TRMT11: variants seen among roughly 807,000 people sequenced by gnomAD.
The protein encoded by TRMT11 is tRNA (guanine(10)-N(2))-methyltransferase TRMT11.
Under a neutral mutation model 62.8 loss-of-function variants are expected in TRMT11, and 53 were observed. The ratio of observed to expected loss-of-function variants is 0.84; its 90% CI spans 0.68 to 1.06. The LOEUF is 1.06. TRMT11 is among the 50% of genes least tolerant of loss of function. The probability of loss-of-function intolerance (pLI) is 0.00; values close to 1 mark genes in which losing one functional copy is unlikely to be tolerated. For synonymous variants in TRMT11, 188 were observed against 190.3 expected, an observed-to-expected ratio of 0.99 and a Z score of 0.10; for missense variants, 556 against 553.4, an observed-to-expected ratio of 1.00 and a Z score of -0.05.
At chr6:126,183,047 C>A (rs1228868580) in intron 1 of TRMT11, among the ~76,000 whole-genome samples, 1 of 152,074 alleles carries the variant, frequency 6.6e-6, no homozygotes, top group Non-Finnish European at 1.5e-5. Flanking sequence ...CACACCCATC[C>A]CTCCAACACC....
intron 11 of TRMT11, among the ~76,000 whole-genome samples, chr6:126,019,355 C>T (rs1242228962): frequency 6.6e-6 from 1 of 152,108 alleles, no homozygotes. Context: ...AAACCAAATG[C>T]AGCAACTTAG....
intron 21 of TRMT11, among the ~76,000 whole-genome samples, chr6:126,121,587 C>G (rs921064618): frequency 2.0e-5 from 3 of 152,008 alleles, no homozygotes; most frequent in African/African-American, 4.8e-5. Context: ...GTTTAGTTTC[C>G]TTACTTTCAA....
intron 12 of TRMT11, among the ~76,000 whole-genome samples, chr6:126,025,780 CTT>C (rs1201889087): frequency 2.6e-5 from 4 of 152,132 alleles, no homozygotes; most frequent in Non-Finnish European, 5.9e-5. Context: ...GATTTTTACA[CTT>C]TTGTATACTG....
At chr6:126,130,966 C>G (rs566802769) in intron 21 of TRMT11, among the ~76,000 whole-genome samples, 2 of 152,184 alleles carry the variant, frequency 1.3e-5, no homozygotes, top group African/African-American at 2.4e-5. Flanking sequence ...TATCTATTAG[C>G]CTTCAGGAGA....
the TRMT11 span, among the ~76,000 whole-genome samples, chr6:126,245,478 G>A: frequency 6.6e-6 from 1 of 152,186 alleles, no homozygotes; most frequent in Admixed American, 6.5e-5. Flanking sequence ...GCTTCCAAGG[G>A]AAATCAGCCT....
chr6:126,213,739 A>G, the TRMT11 span, among the ~76,000 whole-genome samples: 1 of 152,030 alleles, frequency 6.6e-6, no homozygotes, highest in African/African-American at 2.4e-5. Flanking sequence ...TGCCCTTTAT[A>G]TCTCTCTCCT....
intron 21 of TRMT11, among the ~76,000 whole-genome samples, chr6:126,152,566 A>G (rs1365950485): frequency 6.6e-6 from 1 of 152,194 alleles, no homozygotes; most frequent in Non-Finnish European, 1.5e-5. Context: ...CTCAGGTCAA[A>G]GAAGACAATG....
At chr6:126,015,507 T>C (rs1252621931) in intron 11 of TRMT11, among the ~76,000 whole-genome samples, 1 of 152,134 alleles carries the variant, frequency 6.6e-6, no homozygotes, top group African/African-American at 2.4e-5. Context: ...TGTGAGCCAC[T>C]GCGCCCAGCC....
At chr6:126,213,093 T>C in the TRMT11 span, among the ~76,000 whole-genome samples, 1 of 152,302 alleles carries the variant, frequency 6.6e-6, no homozygotes, top group East Asian at 1.9e-4. Flanking sequence ...ATGTGTGGAC[T>C]TGTACCAGGT....
At chr6:126,145,697 T>C (rs1241157258) in intron 21 of TRMT11, among the ~76,000 whole-genome samples, 1 of 152,166 alleles carries the variant, frequency 6.6e-6, no homozygotes. Context: ...TTCAACAGCC[T>C]TGTCACTTTA....
Position 125,998,626 on chromosome 6 carries a change from A to G in TRMT11, c.464A>G (p.Tyr155Cys), listed in dbSNP as rs1288950464. ...PQHVFSVLED[Y>C]GLDPNCIPEN... The stretch of plus-strand genomic sequence containing the variant: ...CATGTATTTTCTGTTTTGGAGGATT[A>G]TGGTTTAGACCCAAACTGCATCCCT... The change falls in exon 6 of 13, where the codon TAT (tyrosine) becomes TGT (cysteine). Residue 155 changes from tyrosine (Y) to cysteine (C), a missense_variant. Tyr to Cys is a radical substitution (Grantham distance 194, BLOSUM62 -2). Transcript: ENST00000334379. The G allele has an allele frequency of 1.9e-6, 3 of 1,613,568 alleles. No homozygotes were observed. Among genetic ancestry groups the G allele is most frequent in the South Asian group, 2.2e-5 (2 of 91,046 alleles).
At chr6:126,219,804 C>T in the TRMT11 span, among the ~76,000 whole-genome samples, 4 of 152,162 alleles carry the variant, frequency 2.6e-5, no homozygotes, top group East Asian at 7.7e-4. Flanking sequence ...ATGAATGAAG[C>T]ATTTATAATG....
chr6:126,110,547 GT>G (rs1777519319), intron 17 of TRMT11, among the ~76,000 whole-genome samples: 1 of 152,022 alleles, frequency 6.6e-6, no homozygotes. Context: ...CTTCCCTGAT[GT>G]TTTCTATTCA....
At chr6:126,092,176 T>A (rs975484343) in intron 17 of TRMT11, among the ~76,000 whole-genome samples, 2 of 152,236 alleles carry the variant, frequency 1.3e-5, no homozygotes, top group African/African-American at 4.8e-5. Flanking sequence ...AGTGGTTGAA[T>A]TCTCTGTGTA....
intron 17 of TRMT11, among the ~76,000 whole-genome samples, chr6:126,066,109 T>C (rs1340449526): frequency 6.6e-6 from 1 of 152,156 alleles, no homozygotes; most frequent in East Asian, 1.9e-4. Flanking sequence ...CAAGGCTGGA[T>C]TGTGAAAGTA....
At chr6:126,186,470 A>G (rs1165454793) in intron 1 of TRMT11, among the ~76,000 whole-genome samples, 1 of 152,186 alleles carries the variant, frequency 6.6e-6, no homozygotes, top group Non-Finnish European at 1.5e-5. Context: ...CTAAAAAGCT[A>G]CATCAAATTC....
chr6:126,194,893 T>C (rs1184118007), intron 1 of TRMT11, among the ~76,000 whole-genome samples: 1 of 152,116 alleles, frequency 6.6e-6, no homozygotes, highest in Non-Finnish European at 1.5e-5. Context: ...GGAGGGAGGA[T>C]TACTTGAGCC....
intron 1 of TRMT11, chr6:125,986,958 GTGTT>G (rs1209714110): frequency 1.3e-5 from 4 of 310,756 alleles, no homozygotes; most frequent in Non-Finnish European, 1.8e-5. Context: ...GCTCAGGCTG[GTGTT>G]TGAAGTATTG....
chr6:126,262,522 C>T, the TRMT11 span, among the ~76,000 whole-genome samples: 25 of 152,182 alleles, frequency 1.6e-4, no homozygotes, highest in Admixed American at 1.6e-3. Context: ...TCCATTGCTA[C>T]AACCTCCCAG....
Sources: gnomAD v4.1 joint callset for allele counts (sites outside exome capture counted in the v4.1 genomes callset) on GRCh38, gnomAD v4.1.1 for gene constraint, MANE v1.5 for transcripts, NCBI Gene and HGNC (gene_info 2026-07-23, HGNC 2026-07-21) for gene names.